Variants in PIGK observed in about 807,000 individuals in gnomAD.
The protein encoded by PIGK is GPI-anchor transamidase.
A neutral mutation model predicts 50.6 loss-of-function variants in PIGK; 42 were observed. The ratio of observed to expected loss-of-function variants is 0.83; its 90% CI spans 0.65 to 1.07. The LOEUF (loss-of-function observed/expected upper bound fraction) is 1.07, where lower values mean the gene tolerates loss of function less well. Ranked by LOEUF, PIGK falls within the 50% of genes least tolerant of loss-of-function variation. PIGK has a pLI of 0.00. For missense variants in PIGK, 448 were observed against 488.7 expected (o/e 0.92, Z 0.78); for synonymous variants, 151 against 156.0 (o/e 0.97, Z 0.24).
chr1:77,187,170 G>A (rs1655770388), intron 3 of PIGK, among the ~76,000 whole-genome samples: 1 of 152,148 alleles, frequency 6.6e-6, no homozygotes, highest in Admixed American at 6.5e-5. Flanking sequence ...CAAGCAGGTG[G>A]ATTGATAGAA....
At chr1:77,177,995 A>C (rs1401731266) in intron 3 of PIGK, among the ~76,000 whole-genome samples, 1 of 152,092 alleles carries the variant, frequency 6.6e-6, no homozygotes. Flanking sequence ...ACGAATCAAG[A>C]CTTCTCTACT....
chr1:77,103,610 T>C (rs997323358), intron 10 of PIGK, among the ~76,000 whole-genome samples: 1 of 152,208 alleles, frequency 6.6e-6, no homozygotes, highest in African/African-American at 2.4e-5. Context: ...CCCAAGCTCA[T>C]TGCCTGTAGG....
At chr1:77,130,498 C>T (rs1215935804) in intron 9 of PIGK, among the ~76,000 whole-genome samples, 1 of 151,894 alleles carries the variant, frequency 6.6e-6, no homozygotes, top group Non-Finnish European at 1.5e-5. Flanking sequence ...CAAGTAAAAC[C>T]ATATCTATCA....
Position 77,162,269 on chromosome 1 carries a change from G to A in PIGK, c.585-558C>T, listed in dbSNP as rs1655146423. Among the ~76,000 whole-genome samples the A allele has an allele frequency of 6.6e-5, 10 of 152,136 alleles. No homozygotes were observed. The South Asian group carries it at 2.1e-3, about 31-fold the overall frequency. ...GAATGAACACTGAGAAAGGACTAAG[G>A]AGGAACTGCAAAGAAAAGCAGATCA... On this transcript the variant is annotated intron_variant, in intron 6 of 10. Coordinates refer to ENST00000370812, the MANE Select transcript of PIGK (RefSeq NM_005482.3).
At chr1:77,214,914 A>G (rs1157095608) in intron 1 of PIGK, among the ~76,000 whole-genome samples, 2 of 152,200 alleles carry the variant, frequency 1.3e-5, no homozygotes, top group African/African-American at 4.8e-5. Flanking sequence ...ACTACAGAAA[A>G]ATTAAACACC....
At chr1:77,095,926 AT>A (rs1653395353) in intron 10 of PIGK, among the ~76,000 whole-genome samples, 1 of 152,120 alleles carries the variant, frequency 6.6e-6, no homozygotes. Flanking sequence ...CAGTGTCCAA[AT>A]AAAAAGGAAA....
chr1:77,208,443 C>CA (rs1656341598), intron 2 of PIGK, among the ~76,000 whole-genome samples: 1 of 152,224 alleles, frequency 6.6e-6, no homozygotes, highest in African/African-American at 2.4e-5. Flanking sequence ...ATATGTGTGT[C>CA]AGTATAAGCT....
intron 8 of PIGK, among the ~76,000 whole-genome samples, chr1:77,155,581 G>C (rs189201217): frequency 6.8e-6 from 1 of 148,004 alleles, no homozygotes; most frequent in East Asian, 2.0e-4. Flanking sequence ...GGAAAAAACA[G>C]AGAGTGAAAT....
chr1:77,185,209 T>C (rs1473430881), intron 3 of PIGK, among the ~76,000 whole-genome samples: 1 of 152,224 alleles, frequency 6.6e-6, no homozygotes, highest in Non-Finnish European at 1.5e-5. Context: ...GCCAGCAATA[T>C]ACCTTTACTG....
At chr1:77,125,166 C>T (rs989056954) in intron 9 of PIGK, among the ~76,000 whole-genome samples, 1 of 152,092 alleles carries the variant, frequency 6.6e-6, no homozygotes, top group Non-Finnish European at 1.5e-5. Flanking sequence ...TTTAGGTATA[C>T]AAAAATATTT....
Position 77,169,400 on chromosome 1 carries a change from G to A in PIGK, c.240-5C>T. ...GCAAGCATTAGGACAATGTGACTAG[G>A]GAAAAAAAATCCAGTAAATATATAA... On this transcript the variant is annotated splice_polypyrimidine_tract_variant and splice_region_variant and intron_variant, in intron 3 of 10. Transcript: ENST00000370812. The A allele has an allele frequency of 6.4e-7, 1 of 1,570,318 alleles. No homozygotes were observed. The highest frequency in any genetic ancestry group is 8.6e-7 in the Non-Finnish European group (1 of 1,163,920).
intron 1 of PIGK, among the ~76,000 whole-genome samples, chr1:77,214,822 A>G (rs1779167): frequency 0.032 from 4,812 of 152,260 alleles, 251 homozygotes; most frequent in African/African-American, 0.11. Context: ...TCAAAAATCA[A>G]TAGACAAAAA....
At chr1:77,107,454 C>A (rs1653714568) in intron 10 of PIGK, among the ~76,000 whole-genome samples, 1 of 152,150 alleles carries the variant, frequency 6.6e-6, no homozygotes, top group South Asian at 2.1e-4. Flanking sequence ...GTCTGAGAGA[C>A]ACTTAGTTAT....
rs779155960 is a variant in PIGK, at chr1:77,122,237, A to C, written c.1071+38T>G. ...AGCAATTACTTCTCAGCGATTAAAAATCTTGTTTCTTTCAAAAGAATAAAA... is the reference window on the plus strand; with the variant it reads ...AGCAATTACTTCTCAGCGATTAAAACTCTTGTTTCTTTCAAAAGAATAAAA... On this transcript the variant is annotated intron_variant, in intron 10 of 10. Transcript: ENST00000370812. The C allele has an allele frequency of 6.9e-6, 9 of 1,310,566 alleles. No individual in the cohort carries two copies. In the African/African-American group the frequency reaches 8.7e-5, roughly 13 times the overall value. 81.2% of individuals were successfully genotyped at this position (1,310,566 alleles called of 1,614,324 possible). A position where few individuals can be genotyped will look rare whatever the true frequency, so the allele number is the denominator to read the frequency against.
At chr1:77,123,758 G>A (rs1654158549) in intron 9 of PIGK, among the ~76,000 whole-genome samples, 1 of 152,122 alleles carries the variant, frequency 6.6e-6, no homozygotes. Context: ...TGCCACTAAA[G>A]TGTATACTGA....
intron 10 of PIGK, among the ~76,000 whole-genome samples, chr1:77,105,034 T>A (rs1184465999): frequency 6.6e-6 from 1 of 152,214 alleles, no homozygotes; most frequent in African/African-American, 2.4e-5. Context: ...TGGTGGGTCC[T>A]GAGCTCTTGT....
At chr1:77,103,980 G>A (rs1244673913) in intron 10 of PIGK, among the ~76,000 whole-genome samples, 3 of 150,646 alleles carry the variant, frequency 2.0e-5, no homozygotes, top group African/African-American at 7.3e-5. Flanking sequence ...AAAGCATCAG[G>A]TCACAGCTTA....
In PIGK at chr1:77,108,359, G is replaced by A. The variant is rs544710978; in HGVS notation, c.1071+13916C>T. Among the ~76,000 whole-genome samples the A allele has an allele frequency of 3.9e-5, 6 of 152,206 alleles. No homozygotes were observed. In the East Asian group the frequency reaches 9.6e-4, roughly 24 times the overall value. On this transcript the variant is annotated intron_variant, in intron 10 of 10. Coordinates refer to ENST00000370812, the MANE Select transcript of PIGK (RefSeq NM_005482.3). ...CTCCTTCACTTATGAAGCTTAGTTT[G>A]GCTGCATATGAAATTCTGGGTTGAA...
intron 9 of PIGK, among the ~76,000 whole-genome samples, chr1:77,126,386 G>T (rs548256234): frequency 1.5e-5 from 2 of 135,244 alleles, no homozygotes; most frequent in South Asian, 4.3e-4. Context: ...GGTGAACGGA[G>T]GTAAGCTGAC....
Sources: gnomAD v4.1 joint callset for allele counts (sites outside exome capture counted in the v4.1 genomes callset) on GRCh38, gnomAD v4.1.1 for gene constraint, MANE v1.5 for transcripts, NCBI Gene and HGNC (gene_info 2026-07-23, HGNC 2026-07-21) for gene names.